The following GLIS3 variants were observed in gnomAD, a reference collection of about 807,000 sequenced individuals.
GLIS3 encodes GLIS family zinc finger 3.
A neutral mutation model predicts 78.6 loss-of-function variants in GLIS3; 53 were observed. The observed-to-expected ratio is 0.67, with a 90% CI of 0.54 to 0.85. The LOEUF (loss-of-function observed/expected upper bound fraction) is 0.85. GLIS3 is among the 40% of genes least tolerant of loss of function. GLIS3 has a pLI of 0.00. For synonymous variants in GLIS3, 684 were observed against 509.9 expected, an observed-to-expected ratio of 1.34 and a Z score of -4.60; for missense variants, 1,703 against 1,231.1, an observed-to-expected ratio of 1.38 and a Z score of -5.74.
In GLIS3 at chr9:3,824,823, C is replaced by G. The variant is rs1032853098; in HGVS notation, c.*3449G>C. On this transcript the variant is annotated 3_prime_UTR_variant, in exon 11 of 11. Transcript: ENST00000381971. ...CCCCCAAAGTGCTTTATGTCAGCAACATTACACAGGATACTTTGCTGTCTG... is the reference window on the plus strand; with the variant it reads ...CCCCCAAAGTGCTTTATGTCAGCAAGATTACACAGGATACTTTGCTGTCTG... 3 of 150,236 alleles carry G rather than the reference C, an allele frequency of 2.0e-5. No homozygotes were observed. Among genetic ancestry groups the G allele is most frequent in the African/African-American group, 7.4e-5 (3 of 40,574 alleles). The allele number at this position is 150,236 out of a possible 1,614,324, so 9.3% of individuals were successfully genotyped here.
At chr9:3,911,769 G>T (rs1457073257) in intron 6 of GLIS3, among the ~76,000 whole-genome samples, 1 of 152,128 alleles carries the variant, frequency 6.6e-6, no homozygotes, top group African/African-American at 2.4e-5. Context: ...GGGATAACAT[G>T]AGATAAGAAA....
the GLIS3 span, among the ~76,000 whole-genome samples, chr9:4,388,545 G>C: frequency 6.6e-6 from 1 of 151,970 alleles, no homozygotes; most frequent in African/African-American, 2.4e-5. Context: ...GCGTGGTGGC[G>C]TGTGCCTGTA....
chr9:4,144,127 A>C (rs1446543414), intron 2 of GLIS3, among the ~76,000 whole-genome samples: 1 of 152,186 alleles, frequency 6.6e-6, no homozygotes, highest in Non-Finnish European at 1.5e-5. Flanking sequence ...CAAGGGAACA[A>C]AGATCGAGAA....
chr9:4,338,448 G>A (rs1817787302), intron 2 of GLIS3, among the ~76,000 whole-genome samples: 1 of 151,444 alleles, frequency 6.6e-6, no homozygotes, highest in African/African-American at 2.4e-5. Flanking sequence ...TCTTATTCAG[G>A]ATGAGAATTC....
At chr9:4,153,312 C>T (rs192995574) in intron 2 of GLIS3, among the ~76,000 whole-genome samples, 1 of 152,244 alleles carries the variant, frequency 6.6e-6, no homozygotes, top group African/African-American at 2.4e-5. Context: ...ACCTGTAATC[C>T]CAGCACTTTG....
At chr9:4,307,887 T>C (rs544174785) in intron 4 of GLIS3, among the ~76,000 whole-genome samples, 2 of 152,252 alleles carry the variant, frequency 1.3e-5, no homozygotes, top group East Asian at 3.9e-4. Context: ...CAAGGAAACC[T>C]GTGTCAGACT....
At chr9:4,488,106 T>TGG in the GLIS3 span, among the ~76,000 whole-genome samples, 3 of 76,746 alleles carry the variant, frequency 3.9e-5, no homozygotes, top group Admixed American at 1.5e-4. Flanking sequence ...TTTCGTCTGT[T>TGG]TGTTGGTTGG....
At chr9:3,902,090 G>A (rs1046938117) in intron 6 of GLIS3, among the ~76,000 whole-genome samples, 3 of 152,168 alleles carry the variant, frequency 2.0e-5, no homozygotes, top group Non-Finnish European at 2.9e-5. Flanking sequence ...CATCAAAGAC[G>A]GGCAATTCTT....
chr9:3,946,563 G>T (rs56669328), intron 4 of GLIS3, among the ~76,000 whole-genome samples: 11,771 of 152,142 alleles, frequency 0.077, 579 homozygotes, highest in African/African-American at 0.13. Flanking sequence ...TTAAATATTT[G>T]AATATTTAAC....
At chr9:4,063,323 A>G (rs1003674062) in intron 4 of GLIS3, among the ~76,000 whole-genome samples, 1 of 152,194 alleles carries the variant, frequency 6.6e-6, no homozygotes, top group African/African-American at 2.4e-5. Context: ...ATGGGTATGT[A>G]ACAAACCATA....
At chr9:4,015,312 T>C (rs1343059216) in intron 4 of GLIS3, among the ~76,000 whole-genome samples, 1 of 152,190 alleles carries the variant, frequency 6.6e-6, no homozygotes, top group Admixed American at 6.5e-5. Flanking sequence ...TCTTCTTTCT[T>C]CTACACTGCC....
intron 4 of GLIS3, among the ~76,000 whole-genome samples, chr9:3,952,326 C>T (rs1816752418): frequency 6.6e-6 from 1 of 152,158 alleles, no homozygotes; most frequent in African/African-American, 2.4e-5. Flanking sequence ...CTTCCGCTTC[C>T]TTGTGGCTGA....
At chr9:3,967,773 T>C (rs1818065973) in intron 4 of GLIS3, among the ~76,000 whole-genome samples, 1 of 152,216 alleles carries the variant, frequency 6.6e-6, no homozygotes, top group Non-Finnish European at 1.5e-5. Flanking sequence ...GATCCCATTT[T>C]CTGTAAGGAA....
At chr9:4,164,968 G>T (rs1302816121) in intron 2 of GLIS3, among the ~76,000 whole-genome samples, 2 of 152,268 alleles carry the variant, frequency 1.3e-5, no homozygotes, top group African/African-American at 2.4e-5. Context: ...TTTTGTTCTT[G>T]GTTTCCTTTT....
At chr9:4,430,904 GT>G in the GLIS3 span, among the ~76,000 whole-genome samples, 3 of 152,082 alleles carry the variant, frequency 2.0e-5, no homozygotes, top group African/African-American at 7.2e-5. Context: ...GAAATAAAAG[GT>G]TGTCACAAAC....
intron 2 of GLIS3, among the ~76,000 whole-genome samples, chr9:4,168,723 C>A (rs1816103947): frequency 1.3e-5 from 2 of 152,114 alleles, no homozygotes; most frequent in African/African-American, 4.8e-5. Context: ...TTCAACAATG[C>A]CAAATACTTT....
rs190018334 is a variant in GLIS3, at chr9:3,911,795, C to A, written c.1984-12960G>T. 2.0e-3 allele frequency among the ~76,000 whole-genome samples: 306 copies of A among 152,250 alleles called. 1 individual carries two copies. The highest frequency in any genetic ancestry group is 0.01 in the Middle Eastern group (3 of 294). ...AGATAAGAAAGCATTTCACCAATAC[C>A]TGATATATAATCAATGTTAAACACA... On this transcript the variant is annotated intron_variant, in intron 6 of 10. Coordinates refer to ENST00000381971, the MANE Select transcript of GLIS3 (RefSeq NM_001042413.2).
At chr9:4,339,795 AGGGAAGGG>A (rs1817805724) in intron 2 of GLIS3, among the ~76,000 whole-genome samples, 1 of 776 alleles carries the variant, frequency 1.3e-3, no homozygotes. Flanking sequence ...CTGTAGGGGG[AGGGAAGGG>A]GGAGGGGAGG....
At chr9:3,853,010 A>T (rs1428560370) in intron 9 of GLIS3, among the ~76,000 whole-genome samples, 4 of 152,248 alleles carry the variant, frequency 2.6e-5, no homozygotes, top group East Asian at 1.9e-4. Context: ...AGAGTTCAAG[A>T]CCAGCCTGGG....
Sources: allele counts gnomAD v4.1 joint callset (sites outside exome capture counted in the v4.1 genomes callset), GRCh38; gene constraint gnomAD v4.1.1; transcripts MANE v1.5; gene names NCBI Gene and HGNC (gene_info 2026-07-23, HGNC 2026-07-21).